The following RNLS variants were observed in gnomAD, a reference collection of about 807,000 sequenced individuals.
RNLS encodes the protein renalase, FAD dependent amine oxidase.
RNLS carries 39 observed loss-of-function variants against 39.8 expected under a neutral mutation model. That is an observed-to-expected ratio of 0.98 (90% confidence interval 0.76 to 1.28). The LOEUF (loss-of-function observed/expected upper bound fraction) is 1.28, where lower values mean the gene tolerates loss of function less well. Ranked by LOEUF, RNLS falls within the 50% of genes most tolerant of loss-of-function variation. The pLI, the probability that RNLS is intolerant of heterozygous loss-of-function variation, is 0.00. For missense variants in RNLS, 410 were observed against 413.3 expected (o/e 0.99, Z 0.07); for synonymous variants, 147 against 150.7 (o/e 0.98, Z 0.18).
intron 4 of RNLS, among the ~76,000 whole-genome samples, chr10:88,443,603 G>A (rs886812451): frequency 5.3e-5 from 8 of 152,182 alleles, no homozygotes; most frequent in Non-Finnish European, 1.0e-4. Flanking sequence ...GGAAAATCAG[G>A]TCACTCCCAC....
At chr10:88,289,983 T>C (rs953885322) in intron 6 of RNLS, among the ~76,000 whole-genome samples, 2 of 152,266 alleles carry the variant, frequency 1.3e-5, no homozygotes, top group Admixed American at 6.5e-5. Context: ...TATTGTCAAT[T>C]TGTATATGGT....
At chr10:88,267,500 C>T in the RNLS span, among the ~76,000 whole-genome samples, 1 of 152,108 alleles carries the variant, frequency 6.6e-6, no homozygotes, top group Non-Finnish European at 1.5e-5. Flanking sequence ...TGCTTGAGTC[C>T]AGGATTTCAA....
intron 4 of RNLS, among the ~76,000 whole-genome samples, chr10:88,464,231 C>A (rs1260945614): frequency 6.6e-6 from 1 of 152,086 alleles, no homozygotes; most frequent in Non-Finnish European, 1.5e-5. Flanking sequence ...GTAGAAACAG[C>A]ACTGGAAATC....
chr10:88,256,105 A>C, the RNLS span, among the ~76,000 whole-genome samples: 22 of 152,334 alleles, frequency 1.4e-4, no homozygotes, highest in South Asian at 4.1e-3. Flanking sequence ...AAATGATTGG[A>C]TAGGAATACA....
intron 6 of RNLS, among the ~76,000 whole-genome samples, chr10:88,277,334 G>T (rs575407149): frequency 1.3e-5 from 2 of 152,190 alleles, no homozygotes; most frequent in East Asian, 1.9e-4. Context: ...CCGGGGAGGT[G>T]GGGGGTTGGG....
intron 4 of RNLS, among the ~76,000 whole-genome samples, chr10:88,548,167 C>G (rs1848413877): frequency 7.0e-6 from 1 of 142,254 alleles, no homozygotes; most frequent in South Asian, 2.3e-4. Context: ...GAGGCTGAGG[C>G]AGGAGAATTG....
chr10:88,367,608 G>C (rs1850228781), intron 4 of RNLS, among the ~76,000 whole-genome samples: 1 of 152,130 alleles, frequency 6.6e-6, no homozygotes, highest in South Asian at 2.1e-4. Flanking sequence ...ACTGCCAAAT[G>C]GTTTTCTAAA....
At chr10:88,303,305 T>C (rs1844669657) in intron 6 of RNLS, among the ~76,000 whole-genome samples, 1 of 152,212 alleles carries the variant, frequency 6.6e-6, no homozygotes, top group African/African-American at 2.4e-5. Flanking sequence ...GCCCCTAGGC[T>C]TGACTTGCTC....
chr10:88,175,178 A>G, the RNLS span, among the ~76,000 whole-genome samples: 1 of 149,898 alleles, frequency 6.7e-6, no homozygotes, highest in South Asian at 2.1e-4. Flanking sequence ...TGGTTTGTGG[A>G]TTTTGTTTAT....
At chr10:88,279,293 A>G (rs1447771186), downstream of RNLS, among the ~76,000 whole-genome samples, 1 of 152,154 alleles carries the variant, frequency 6.6e-6, no homozygotes, top group Non-Finnish European at 1.5e-5. Flanking sequence ...ATCAAAGGGG[A>G]TTATTTTCCT....
chr10:88,462,827 G>A (rs200511969), intron 4 of RNLS, among the ~76,000 whole-genome samples: 2 of 149,630 alleles, frequency 1.3e-5, no homozygotes, highest in African/African-American at 2.4e-5. Context: ...TCCTGCTAAG[G>A]AAAAAAAAAT....
the RNLS span, among the ~76,000 whole-genome samples, chr10:88,189,877 G>C: frequency 6.6e-6 from 1 of 152,194 alleles, no homozygotes; most frequent in African/African-American, 2.4e-5. Flanking sequence ...TCCATTCTCT[G>C]CACCTTTACA....
intron 4 of RNLS, among the ~76,000 whole-genome samples, chr10:88,544,753 C>A (rs1463617354): frequency 1.3e-5 from 2 of 152,142 alleles, no homozygotes; most frequent in East Asian, 3.8e-4. Context: ...GGAGACACAA[C>A]TTCAATTCCT....
the RNLS span, among the ~76,000 whole-genome samples, chr10:88,199,030 C>G: frequency 6.6e-6 from 1 of 152,152 alleles, no homozygotes; most frequent in Non-Finnish European, 1.5e-5. Flanking sequence ...GACTCCAGAG[C>G]AAACAACACC....
chr10:88,538,801 G>C (rs898146223), intron 4 of RNLS, among the ~76,000 whole-genome samples: 5 of 151,938 alleles, frequency 3.3e-5, no homozygotes, highest in African/African-American at 1.2e-4. Context: ...CTGCTGACTT[G>C]GGCTACGGAA....
intron 4 of RNLS, among the ~76,000 whole-genome samples, chr10:88,443,688 G>C (rs1162781521): frequency 6.6e-6 from 1 of 152,230 alleles, no homozygotes; most frequent in Non-Finnish European, 1.5e-5. Context: ...GGCTTGGAGG[G>C]TCCCATGCCC....
At chr10:88,185,699 C>T in the RNLS span, among the ~76,000 whole-genome samples, 27 of 151,984 alleles carry the variant, frequency 1.8e-4, no homozygotes, top group East Asian at 4.4e-3. Context: ...TAACCAAATC[C>T]TAGATACTTC....
rs767854409 is a variant in RNLS at position 88,362,583 on chromosome 10, G to A, written c.669C>T (p.Phe223=). The change falls in exon 5 of 7, where the codon TTC becomes TTT. Residue 223 remains phenylalanine (F), a synonymous_variant. Transcript: ENST00000331772. ...QYITSNPCIR[F]VSIDNKKRNI... ...TGCGCTTCTTATTATCAATGGAGACGAAGCGTATGCAGGGATTACTGGTGA... is the reference window on the plus strand; with the variant it reads ...TGCGCTTCTTATTATCAATGGAGACAAAGCGTATGCAGGGATTACTGGTGA... 21 of 1,613,646 alleles carry A rather than the reference G, an allele frequency of 1.3e-5. No homozygotes were observed. In the Admixed American group the frequency reaches 2.2e-4, roughly 17 times the overall value.
intron 4 of RNLS, among the ~76,000 whole-genome samples, chr10:88,391,491 G>A (rs1342336507): frequency 3.3e-5 from 5 of 152,178 alleles, no homozygotes; most frequent in African/African-American, 1.2e-4. Context: ...CCAGGAGGTG[G>A]AGGTTGCAGT....
Sources: gnomAD v4.1 joint callset for allele counts (sites outside exome capture counted in the v4.1 genomes callset) on GRCh38, gnomAD v4.1.1 for gene constraint, MANE v1.5 for transcripts, NCBI Gene and HGNC (gene_info 2026-07-23, HGNC 2026-07-21) for gene names.